CD247: variants seen among roughly 807,000 people sequenced by gnomAD.
The protein encoded by CD247 is CD247 molecule.
A neutral mutation model predicts 30.0 loss-of-function variants in CD247; 13 were observed. That is an observed-to-expected ratio of 0.43 (90% CI 0.28 to 0.69). The LOEUF is 0.69. Among genes scored for constraint, CD247 ranks in the 30% least tolerant of loss-of-function variants. The pLI, the probability that CD247 is intolerant of heterozygous loss-of-function variation, is 0.16. For missense variants in CD247, 193 were observed against 212.6 expected (o/e 0.91, Z 0.57); for synonymous variants, 72 against 80.0 (o/e 0.90, Z 0.53).
chr1:167,435,313 GC>G (rs1651492874), intron 5 of CD247, 85 bp downstream of exon 5: 1 of 924,586 alleles, frequency 1.1e-6, no homozygotes, highest in African/African-American at 1.7e-5. Context: ...CCCTCCTCCA[GC>G]CCTTCCTCCA....
chr1:167,501,760 G>C (rs1003556378), intron 1 of CD247, among the ~76,000 whole-genome samples: 3 of 152,212 alleles, frequency 2.0e-5, no homozygotes, highest in African/African-American at 7.2e-5. Context: ...AGACCAGAAG[G>C]CAGGAGGGGC....
chr1:167,483,012 CTT>C (rs759667831), intron 1 of CD247, among the ~76,000 whole-genome samples: 1 of 140,542 alleles, frequency 7.1e-6, no homozygotes, highest in Non-Finnish European at 1.6e-5. Context: ...TTCTTTCTTT[CTT>C]TTTTTTTTTT....
In CD247 at chr1:167,438,836, C is replaced by A. The variant is rs2258497; in HGVS notation, c.220-186G>T. 0.86 allele frequency among the ~76,000 whole-genome samples: 130,832 copies of A among 152,112 alleles called. 56,361 individuals carry two copies. The highest frequency in any genetic ancestry group is 0.89 in the South Asian group (4,293 of 4,814). On this transcript the variant is annotated intron_variant, in intron 3 of 7. Transcript: ENST00000362089. ...CCAGAGGACATCTCAGAGAACACGC[C>A]TTAACATGACAGTGGATGGGATCCC...
intron 1 of CD247, chr1:167,448,275 A>G: frequency 1.3e-6 from 1 of 772,442 alleles, no homozygotes; most frequent in Non-Finnish European, 1.6e-6. Context: ...CCTAATGTCT[A>G]CAGCCAGGGT....
chr1:167,432,924 G>T, intron 7 of CD247, 100 bp downstream of exon 7: 1 of 1,334,490 alleles, frequency 7.5e-7, no homozygotes, highest in Non-Finnish European at 1.1e-6. Flanking sequence ...CCCAGCTGTT[G>T]GCAAGAGCTG....
At chr1:167,450,549 T>C (rs1229377659) in intron 1 of CD247, among the ~76,000 whole-genome samples, 1 of 152,038 alleles carries the variant, frequency 6.6e-6, no homozygotes. Context: ...CTAAGACTAA[T>C]AGTCCAAGAG....
At chr1:167,508,626 T>G (rs544006269) in intron 1 of CD247, among the ~76,000 whole-genome samples, 2 of 152,274 alleles carry the variant, frequency 1.3e-5, no homozygotes, top group African/African-American at 4.8e-5. Context: ...GAAGTGTTGA[T>G]AGTTAAGTGG....
intron 1 of CD247, among the ~76,000 whole-genome samples, chr1:167,501,304 C>A (rs1437651120): frequency 1.3e-5 from 2 of 152,102 alleles, no homozygotes; most frequent in Admixed American, 6.5e-5. Flanking sequence ...GGTGATCCAC[C>A]CGCCTCGGCC....
At chr1:167,489,409 A>C (rs1654348451) in intron 1 of CD247, among the ~76,000 whole-genome samples, 1 of 151,984 alleles carries the variant, frequency 6.6e-6, no homozygotes, top group Admixed American at 6.6e-5. Flanking sequence ...GGTAGGTGAC[A>C]CTCTCATTGA....
At chr1:167,455,506 C>T (rs564884636) in intron 1 of CD247, among the ~76,000 whole-genome samples, 1 of 152,318 alleles carries the variant, frequency 6.6e-6, no homozygotes, top group East Asian at 1.9e-4. Flanking sequence ...GCTCCCAGCC[C>T]CGTGTTGCCG....
rs1039044817 is a variant in CD247 at position 167,494,765 on chromosome 1, T to G, written c.58+23643A>C. ...ACAGATAAATGTTTATTAAAGAATG[T>G]GAAGGTCTCATCAAAAACCAAGCAT... On this transcript the variant is annotated intron_variant, in intron 1 of 7. Coordinates refer to ENST00000362089, the MANE Select transcript of CD247 (RefSeq NM_198053.3). The surrounding 1 kb of genome is among the most constrained non-coding windows in gnomAD (Gnocchi z 7.3). Among the ~76,000 whole-genome samples, 5 of 152,156 alleles carry G rather than the reference T, an allele frequency of 3.3e-5. No homozygotes were observed. Among genetic ancestry groups the G allele is most frequent in the Non-Finnish European group, 7.4e-5 (5 of 68,026 alleles).
chr1:167,492,647 GGTA>G (rs1654503033), intron 1 of CD247, among the ~76,000 whole-genome samples: 1 of 152,162 alleles, frequency 6.6e-6, no homozygotes, highest in African/African-American at 2.4e-5. Flanking sequence ...ATTAGCCCCA[GGTA>G]GGGGACATCC....
rs1651351849 is a variant in CD247, at chr1:167,433,038, C to CG, written c.414dup (p.Asp139ArgfsTer135). On this transcript the variant is annotated frameshift_variant, in exon 7 of 8. Transcript: ENST00000362089. LOFTEE classifies it high-confidence loss of function. ...GCAGCTCCTACCTGGTAAAGGCCAT[C>CG]GTGCCCCTTGCCCCTCCGGCGCTGG... 1.2e-6 allele frequency: 2 copies of CG among 1,614,112 alleles called. No homozygotes were observed. The highest frequency in any genetic ancestry group is 1.7e-5 in the Admixed American group (1 of 60,012).
intron 1 of CD247, among the ~76,000 whole-genome samples, chr1:167,441,340 C>T (rs1420454226): frequency 6.6e-6 from 1 of 152,216 alleles, no homozygotes; most frequent in Non-Finnish European, 1.5e-5. Flanking sequence ...ACAGTGGGAT[C>T]TGGTGCTCGG....
chr1:167,495,256 T>G (rs552044829), intron 1 of CD247, among the ~76,000 whole-genome samples: 2 of 152,218 alleles, frequency 1.3e-5, no homozygotes, highest in African/African-American at 4.8e-5. Flanking sequence ...TTTCTTCAAC[T>G]GTAAAATGAG....
intron 1 of CD247, among the ~76,000 whole-genome samples, chr1:167,514,570 G>T (rs964401711): frequency 6.6e-6 from 1 of 152,052 alleles, no homozygotes; most frequent in Non-Finnish European, 1.5e-5. Context: ...TGACTAAAGC[G>T]ATCATTTTGT....
At chr1:167,452,972 TACATA>T (rs1652428224) in intron 1 of CD247, among the ~76,000 whole-genome samples, 1 of 150,106 alleles carries the variant, frequency 6.7e-6, no homozygotes, top group Admixed American at 6.7e-5. Context: ...TGTACATATA[TACATA>T]GAGAGCAATA....
chr1:167,438,793 C>T, intron 3 of CD247, 143 bp from the exon 4 acceptor site: 1 of 730,966 alleles, frequency 1.4e-6, no homozygotes, highest in Non-Finnish European at 2.5e-6. Context: ...GTAACTGGTC[C>T]ATCTGGAGAC....
intron 1 of CD247, among the ~76,000 whole-genome samples, chr1:167,475,080 ATTTATCACAACCC>A (rs1249874494): frequency 6.6e-6 from 1 of 152,082 alleles, no homozygotes; most frequent in Non-Finnish European, 1.5e-5. Flanking sequence ...ATGTTCCTAC[ATTTATCACAACCC>A]TAAAACCAAC....
Sources: gnomAD v4.1 joint callset for allele counts (sites outside exome capture counted in the v4.1 genomes callset) on GRCh38, gnomAD v4.1.1 for gene constraint, Gnocchi (gnomAD v3.1) non-coding constraint, MANE v1.5 for transcripts, NCBI Gene and HGNC (gene_info 2026-07-23, HGNC 2026-07-21) for gene names.